The following TFCP2L1 variants were observed in gnomAD, a reference collection of about 807,000 sequenced individuals.
TFCP2L1 encodes the protein transcription factor CP2-like protein 1.
A neutral mutation model predicts 72.2 loss-of-function variants in TFCP2L1; 12 were observed. That is an observed-to-expected ratio of 0.17 (90% confidence interval 0.11 to 0.27). The LOEUF (loss-of-function observed/expected upper bound fraction) is 0.27, where lower values mean the gene tolerates loss of function less well. TFCP2L1 is among the 10% of genes least tolerant of loss of function. The pLI is 1.00. For missense variants in TFCP2L1, 488 were observed against 624.6 expected (o/e 0.78, Z 2.33); for synonymous variants, 260 against 251.0 (o/e 1.04, Z -0.34).
At chr2:121,237,474 G>A in intron 10 of TFCP2L1, 149 bp downstream of exon 10, 1 of 851,834 alleles carries the variant, frequency 1.2e-6, no homozygotes, top group South Asian at 1.6e-5. Context: ...CCAGGGTTGG[G>A]GCACGTGAGC....
In TFCP2L1 at chr2:121,246,911, G is replaced by A. The variant is rs1686499234; in HGVS notation, c.564C>T (p.Pro188=). 10 of 1,614,130 alleles carry A rather than the reference G, an allele frequency of 6.2e-6. No homozygotes were observed. Among genetic ancestry groups the A allele is most frequent in the Non-Finnish European group, 8.5e-6 (10 of 1,180,018 alleles). The stretch of plus-strand genomic sequence containing the variant: ...TAAACGTGTCAATCTGGACTCGAAA[G>A]GGCACTCCCTTCTCGCCCCCGTGCT... ...PRKHGGEKGV[P]FRVQIDTFKQ... Residue 188 remains proline, a synonymous_variant, in exon 6 of 15, where the codon CCC becomes CCT. Coordinates refer to ENST00000263707, the MANE Select transcript of TFCP2L1 (RefSeq NM_014553.3).
At chr2:121,278,083 G>A (rs960974402) in intron 2 of TFCP2L1, among the ~76,000 whole-genome samples, 6 of 139,250 alleles carry the variant, frequency 4.3e-5, no homozygotes, top group African/African-American at 1.6e-4. Flanking sequence ...AGGTCGGACT[G>A]CGGACTGCAG....
chr2:121,248,696 C>A (rs1686540348), intron 4 of TFCP2L1, among the ~76,000 whole-genome samples: 1 of 152,202 alleles, frequency 6.6e-6, no homozygotes, highest in South Asian at 2.1e-4. Context: ...TTGTCTTCAA[C>A]ACTTATCAAA....
chr2:121,250,386 G>GTA (rs58244806), intron 2 of TFCP2L1, among the ~76,000 whole-genome samples: 6,051 of 149,804 alleles, frequency 0.04, 221 homozygotes, highest in East Asian at 0.13. Context: ...ATACATATAT[G>GTA]TATGTGTATA....
chr2:121,229,913 C>T (rs1292866004), intron 13 of TFCP2L1, among the ~76,000 whole-genome samples: 1 of 152,174 alleles, frequency 6.6e-6, no homozygotes, highest in Non-Finnish European at 1.5e-5. Context: ...ATCACCAGGT[C>T]AGGAACACTC....
chr2:121,277,859 T>G (rs1221027679), intron 2 of TFCP2L1, among the ~76,000 whole-genome samples: 1 of 152,152 alleles, frequency 6.6e-6, no homozygotes, highest in Admixed American at 6.5e-5. Context: ...TCTGGTGAAA[T>G]CGGAGGGGAT....
chr2:121,230,537 T>C (rs918215380), intron 13 of TFCP2L1, among the ~76,000 whole-genome samples: 3 of 152,162 alleles, frequency 2.0e-5, no homozygotes, highest in South Asian at 2.1e-4. Context: ...TCCCAGCACT[T>C]TGGAAGGCCA....
At chr2:121,277,911 T>C (rs1479418474) in intron 2 of TFCP2L1, among the ~76,000 whole-genome samples, 1 of 152,218 alleles carries the variant, frequency 6.6e-6, no homozygotes, top group Non-Finnish European at 1.5e-5. Context: ...TTTTCTAAAT[T>C]ATTCAAACTT....
intron 2 of TFCP2L1, among the ~76,000 whole-genome samples, chr2:121,254,081 T>C (rs1305009050): frequency 6.6e-6 from 1 of 152,096 alleles, no homozygotes; most frequent in Non-Finnish European, 1.5e-5. Flanking sequence ...TGGGCGTGGG[T>C]GGAAGCCAGG....
chr2:121,234,466 G>A (rs1686204079), intron 11 of TFCP2L1, among the ~76,000 whole-genome samples: 1 of 152,190 alleles, frequency 6.6e-6, no homozygotes, highest in Admixed American at 6.5e-5. Flanking sequence ...TGTGTATCAG[G>A]TATTGTTCTC....
chr2:121,225,416 A>T, intron 14 of TFCP2L1, 146 bp downstream of exon 14: 1 of 764,062 alleles, frequency 1.3e-6, no homozygotes, highest in Non-Finnish European at 2.2e-6. Flanking sequence ...TGCCATTTCT[A>T]GGGCTAGCTT....
rs141438730 is a variant in TFCP2L1, at chr2:121,240,790, T to G, written c.769-1141A>C. The G allele has an allele frequency of 5.1e-4, 492 of 962,434 alleles. 2 individuals are homozygous for G. The African/African-American group carries it at 8.3e-3, about 16-fold the overall frequency. 59.6% of individuals were successfully genotyped at this position (962,434 alleles called of 1,614,324 possible). On this transcript the variant is annotated intron_variant, in intron 7 of 14. Coordinates refer to ENST00000263707, the MANE Select transcript of TFCP2L1 (RefSeq NM_014553.3). Reference sequence around the variant, plus strand: ...GGGAAGAAACTGGTCTGGCCTCTAATCCATAAATGCAGTGCTTGCATCCTG... The same window carrying G: ...GGGAAGAAACTGGTCTGGCCTCTAAGCCATAAATGCAGTGCTTGCATCCTG...
chr2:121,270,152 C>T (rs945345462), intron 2 of TFCP2L1, among the ~76,000 whole-genome samples: 2 of 151,906 alleles, frequency 1.3e-5, no homozygotes, highest in African/African-American at 4.8e-5. Flanking sequence ...TAAAAGAAGA[C>T]CCTATATTTT....
rs1686149189 is a variant in TFCP2L1, at chr2:121,231,834, TCAC to T, written c.1330_1332del (p.Val444del). ...CAGGCAGCAGCCCTCACCTCGTTGC[TCAC>T]CACCACATGGATGCCCGTGGGGCCC... On this transcript the variant is annotated inframe_deletion, in exon 13 of 15. Coordinates refer to ENST00000263707, the MANE Select transcript of TFCP2L1 (RefSeq NM_014553.3). The T allele has an allele frequency of 1.2e-6, 2 of 1,612,798 alleles. No individual in the cohort carries two copies. Among genetic ancestry groups the T allele is most frequent in the Non-Finnish European group, 8.5e-7 (1 of 1,179,420 alleles).
At chr2:121,279,424 G>A (rs1687211459) in intron 2 of TFCP2L1, among the ~76,000 whole-genome samples, 3 of 152,180 alleles carry the variant, frequency 2.0e-5, no homozygotes, top group African/African-American at 7.2e-5. Context: ...AGGTCTCCGG[G>A]CCTGAGCAGG....
At chr2:121,276,372 A>G (rs1687147253) in intron 2 of TFCP2L1, among the ~76,000 whole-genome samples, 1 of 151,860 alleles carries the variant, frequency 6.6e-6, no homozygotes, top group Admixed American at 6.6e-5. Context: ...TTAATGTTTC[A>G]CAAGTGTCCC....
rs67001640 is a variant in TFCP2L1, at chr2:121,255,745, ATTTT to A, written c.215-6102_215-6099del. On this transcript the variant is annotated intron_variant, in intron 2 of 14. Transcript: ENST00000263707. ...TATCTATTACATTTCCCCTGAACTT[ATTTT>A]TTTTTTTTTTTGAGACGGAATCTCG... is the stretch of plus-strand genomic sequence containing the variant. Among the ~76,000 whole-genome samples the A allele has an allele frequency of 1.2e-3, 170 of 141,530 alleles. 5 individuals are homozygous for A. The South Asian group carries it at 0.033, about 28-fold the overall frequency. The allele number at this position is 141,530 out of a possible 152,430, so 92.8% of individuals were successfully genotyped here. A position where few individuals can be genotyped will look rare whatever the true frequency, so the allele number is the denominator to read the frequency against.
At chr2:121,282,080 G>A (rs747905974) in intron 1 of TFCP2L1, among the ~76,000 whole-genome samples, 1 of 151,918 alleles carries the variant, frequency 6.6e-6, no homozygotes, top group Admixed American at 6.6e-5. Context: ...TTATAGGAAT[G>A]AGCCACCACA....
intron 2 of TFCP2L1, among the ~76,000 whole-genome samples, chr2:121,278,413 C>T (rs2104766141): frequency 6.6e-6 from 1 of 150,890 alleles, no homozygotes; most frequent in Admixed American, 6.6e-5. Context: ...AGGCTGGGCA[C>T]AGTGGCTCAC....
Sources: allele counts gnomAD v4.1 joint callset (sites outside exome capture counted in the v4.1 genomes callset), GRCh38; gene constraint gnomAD v4.1.1; transcripts MANE v1.5; gene names NCBI Gene and HGNC (gene_info 2026-07-23, HGNC 2026-07-21).